The following COL8A1 variants were observed in gnomAD, a reference collection of about 807,000 sequenced individuals.
The protein encoded by COL8A1 is collagen alpha-1(VIII) chain.
A neutral mutation model predicts 42.7 loss-of-function variants in COL8A1; 21 were observed. The observed-to-expected ratio is 0.49, with a 90% CI of 0.35 to 0.71. The LOEUF is 0.71. COL8A1 is among the 30% of genes least tolerant of loss of function. The pLI, the probability that COL8A1 is intolerant of heterozygous loss-of-function variation, is 0.01. For missense variants in COL8A1, 788 were observed against 962.4 expected, an observed-to-expected ratio of 0.82 and a Z score of 2.40; for synonymous variants, 367 against 369.1, an observed-to-expected ratio of 0.99 and a Z score of 0.06.
intron 2 of COL8A1, among the ~76,000 whole-genome samples, chr3:99,788,523 T>G (rs1436183671): frequency 1.3e-5 from 2 of 152,238 alleles, no homozygotes; most frequent in Non-Finnish European, 2.9e-5. Context: ...AAAGTAGAAT[T>G]AAGTACCAGC....
chr3:99,769,304 A>C (rs1379873911), intron 2 of COL8A1, among the ~76,000 whole-genome samples: 1 of 152,244 alleles, frequency 6.6e-6, no homozygotes, highest in Non-Finnish European at 1.5e-5. Flanking sequence ...CCGAAGGACA[A>C]GAGCCATGGG....
At chr3:99,656,952 A>G (rs1017496585) in intron 1 of COL8A1, among the ~76,000 whole-genome samples, 2 of 152,256 alleles carry the variant, frequency 1.3e-5, no homozygotes, top group Non-Finnish European at 2.9e-5. Context: ...CTTTCTTGAC[A>G]AAGAAATGGC....
intron 1 of COL8A1, among the ~76,000 whole-genome samples, chr3:99,653,276 T>TAG (rs1203089888): frequency 6.6e-6 from 1 of 152,214 alleles, no homozygotes; most frequent in Non-Finnish European, 1.5e-5. Flanking sequence ...CTGTGCCTTG[T>TAG]AGCTCATTTA....
intron 1 of COL8A1, among the ~76,000 whole-genome samples, chr3:99,731,844 G>T (rs1002021281): frequency 6.6e-6 from 1 of 152,114 alleles, no homozygotes; most frequent in Non-Finnish European, 1.5e-5. Context: ...AGGTCAGATG[G>T]TGTCCTTGGG....
intron 1 of COL8A1, among the ~76,000 whole-genome samples, chr3:99,643,137 C>A (rs767850582): frequency 6.6e-6 from 1 of 152,162 alleles, no homozygotes; most frequent in Non-Finnish European, 1.5e-5. Flanking sequence ...GTTCATACAG[C>A]CAGTTTCTCC....
intron 2 of COL8A1, among the ~76,000 whole-genome samples, chr3:99,759,742 A>G (rs1941330926): frequency 6.6e-6 from 1 of 152,248 alleles, no homozygotes; most frequent in Admixed American, 6.5e-5. Context: ...AGTTGTTTCA[A>G]CCGTAAAAAG....
At chr3:99,780,435 AC>A (rs1024694528) in intron 2 of COL8A1, among the ~76,000 whole-genome samples, 39 of 152,098 alleles carry the variant, frequency 2.6e-4, no homozygotes, top group African/African-American at 9.4e-4. Flanking sequence ...GGCTTCTACA[AC>A]CCCCAAACCC....
At chr3:99,741,543 T>C (rs1022235448) in intron 1 of COL8A1, among the ~76,000 whole-genome samples, 3 of 152,196 alleles carry the variant, frequency 2.0e-5, no homozygotes, top group African/African-American at 7.2e-5. Flanking sequence ...CTTTTTCTGC[T>C]CTCATGACTT....
intron 2 of COL8A1, among the ~76,000 whole-genome samples, chr3:99,773,496 C>A (rs533710558): frequency 2.6e-5 from 4 of 152,182 alleles, no homozygotes; most frequent in African/African-American, 9.6e-5. Context: ...GCTATTATTT[C>A]TATTCATGTA....
intron 1 of COL8A1, among the ~76,000 whole-genome samples, chr3:99,647,726 C>T (rs1432610490): frequency 1.3e-5 from 2 of 152,172 alleles, no homozygotes; most frequent in Non-Finnish European, 2.9e-5. Context: ...TAACCAAGAT[C>T]GTTGGCCAAA....
chr3:99,706,632 C>T (rs1939685891), intron 1 of COL8A1, among the ~76,000 whole-genome samples: 1 of 152,182 alleles, frequency 6.6e-6, no homozygotes, highest in South Asian at 2.1e-4. Context: ...CTGGTTAGGA[C>T]TGGTTAAGTC....
intron 1 of COL8A1, among the ~76,000 whole-genome samples, chr3:99,672,810 TTC>T (rs1938585960): frequency 6.6e-6 from 1 of 152,080 alleles, no homozygotes; most frequent in Non-Finnish European, 1.5e-5. Context: ...ATGCTGATTA[TTC>T]CATGAACTGT....
intron 1 of COL8A1, chr3:99,677,619 G>A (rs1202085110): frequency 6.6e-6 from 1 of 152,122 alleles, no homozygotes; most frequent in East Asian, 1.9e-4. Context: ...GTTTACGGAA[G>A]CAATTTTGAA....
At chr3:99,696,790 T>C (rs1483622709) in intron 1 of COL8A1, among the ~76,000 whole-genome samples, 1 of 152,166 alleles carries the variant, frequency 6.6e-6, no homozygotes, top group Non-Finnish European at 1.5e-5. Flanking sequence ...AACCGAAGTT[T>C]CAGAAATAGA....
chr3:99,766,075 C>G (rs767614004), intron 2 of COL8A1, among the ~76,000 whole-genome samples: 1 of 152,098 alleles, frequency 6.6e-6, no homozygotes, highest in East Asian at 1.9e-4. Context: ...ATATTAATAT[C>G]CTATTGGATC....
At chr3:99,778,389 C>T (rs1216751846) in intron 2 of COL8A1, among the ~76,000 whole-genome samples, 3 of 152,174 alleles carry the variant, frequency 2.0e-5, no homozygotes, top group Non-Finnish European at 4.4e-5. Context: ...GAGAGAACTT[C>T]AGAGCTTTTT....
chr3:99,651,469 G>A (rs1937844933), intron 1 of COL8A1, among the ~76,000 whole-genome samples: 1 of 152,258 alleles, frequency 6.6e-6, no homozygotes, highest in South Asian at 2.1e-4. Flanking sequence ...CTGCGAAGAA[G>A]GCTAAGCTCT....
intron 1 of COL8A1, among the ~76,000 whole-genome samples, chr3:99,656,532 G>A (rs1938027799): frequency 2.0e-5 from 3 of 151,184 alleles, no homozygotes; most frequent in Admixed American, 1.3e-4. Context: ...GGGGTCTGTT[G>A]GACTTTGTTC....
intron 1 of COL8A1, among the ~76,000 whole-genome samples, chr3:99,663,424 T>C (rs1938268057): frequency 6.6e-6 from 1 of 152,204 alleles, no homozygotes; most frequent in Admixed American, 6.5e-5. Context: ...TCCTGCTCTA[T>C]GTTTTGCTAA....
Sources: gnomAD v4.1 joint callset for allele counts (sites outside exome capture counted in the v4.1 genomes callset) on GRCh38, gnomAD v4.1.1 for gene constraint, MANE v1.5 for transcripts, NCBI Gene and HGNC (gene_info 2026-07-23, HGNC 2026-07-21) for gene names.